Variants in ANKRD28 observed in about 807,000 individuals in gnomAD.
ANKRD28 encodes serine/threonine-protein phosphatase 6 regulatory ankyrin repeat subunit A.
ANKRD28 carries 44 observed loss-of-function variants against 126.5 expected under a neutral mutation model. The observed-to-expected ratio is 0.35, with a 90% CI of 0.27 to 0.45. ANKRD28 has a LOEUF of 0.45. Ranked by LOEUF, ANKRD28 falls within the 20% of genes least tolerant of loss-of-function variation. The pLI is 1.00. For synonymous variants in ANKRD28, 442 were observed against 468.5 expected, an observed-to-expected ratio of 0.94 and a Z score of 0.73; for missense variants, 1,110 against 1,316.6, an observed-to-expected ratio of 0.84 and a Z score of 2.43.
chr3:15,768,786 G>T (rs915220201), intron 2 of ANKRD28, among the ~76,000 whole-genome samples: 1 of 152,156 alleles, frequency 6.6e-6, no homozygotes, highest in African/African-American at 2.4e-5. Flanking sequence ...AGTAAAGGGA[G>T]GTTGATATAG....
At chr3:15,759,714 A>T (rs1371920058) in intron 3 of ANKRD28, among the ~76,000 whole-genome samples, 2 of 152,224 alleles carry the variant, frequency 1.3e-5, no homozygotes, top group African/African-American at 4.8e-5. Flanking sequence ...ACTATGAATT[A>T]TTTCTATCAA....
chr3:15,778,306 T>A (rs1051786927), intron 2 of ANKRD28, among the ~76,000 whole-genome samples: 2 of 152,158 alleles, frequency 1.3e-5, no homozygotes, highest in African/African-American at 4.8e-5. Context: ...ATCTTTTAGT[T>A]CACAGTTTTA....
chr3:15,745,452 C>T (rs1003349755), intron 4 of ANKRD28, among the ~76,000 whole-genome samples: 1 of 152,170 alleles, frequency 6.6e-6, no homozygotes, highest in East Asian at 1.9e-4. Context: ...TTATCCCAGC[C>T]TCATTTGTTG....
chr3:15,803,345 AC>A (rs973678494), intron 1 of ANKRD28, among the ~76,000 whole-genome samples: 7 of 152,188 alleles, frequency 4.6e-5, no homozygotes, highest in African/African-American at 1.7e-4. Context: ...GAGGCCGTGC[AC>A]GGTGGCTCAC....
At chr3:15,751,725 A>T (rs369668557) in intron 4 of ANKRD28, 25 bp downstream of exon 4, 3 of 1,475,110 alleles carry the variant, frequency 2.0e-6, no homozygotes, top group Non-Finnish European at 2.8e-6. Flanking sequence ...CATATAAAAC[A>T]TATTTACTAA....
At chr3:15,841,784 T>C (rs1343873683) in intron 1 of ANKRD28, among the ~76,000 whole-genome samples, 1 of 152,086 alleles carries the variant, frequency 6.6e-6, no homozygotes, top group African/African-American at 2.4e-5. Flanking sequence ...TAACAAGTGC[T>C]GGAGAGGATG....
chr3:15,770,684 C>G (rs1374912665), intron 2 of ANKRD28, among the ~76,000 whole-genome samples: 3 of 152,090 alleles, frequency 2.0e-5, no homozygotes, highest in Admixed American at 6.5e-5. Context: ...AATAAGCCAT[C>G]CCAACTCCTG....
chr3:15,817,268 T>TA lies in ANKRD28; in HGVS notation c.28-21963_28-21962insT, dbSNP rs1379000501. ...CTTGTCAGTAGAAGTACCATGGTTT[T>TA]TTTTTCCTTGTTATTTTGTTTTTGT... On this transcript the variant is annotated intron_variant, in intron 1 of 27. Coordinates refer to the ANKRD28 transcript ENST00000399451. This position sits in a 1 kb window ranked among gnomAD's most constrained non-coding sequence, Gnocchi z 4.5. 6.6e-6 allele frequency among the ~76,000 whole-genome samples: 1 copy of TA among 151,642 alleles called. No individual in the cohort carries two copies. Among genetic ancestry groups the TA allele is most frequent in the African/African-American group, 2.4e-5 (1 of 41,312 alleles).
intron 4 of ANKRD28, 86 bp downstream of exon 4, chr3:15,751,664 G>A (rs2057870001): frequency 1.1e-6 from 1 of 925,906 alleles, no homozygotes. Context: ...TCCTTCTTTT[G>A]AAAACATAGA....
At chr3:15,760,538 TAC>T (rs1210026534) in intron 3 of ANKRD28, among the ~76,000 whole-genome samples, 5 of 152,162 alleles carry the variant, frequency 3.3e-5, no homozygotes, top group East Asian at 1.9e-4. Flanking sequence ...GATAAAAATA[TAC>T]AGAGTAGAGT....
chr3:15,759,259 T>C lies in ANKRD28; in HGVS notation c.280+6975A>G, dbSNP rs569660446. ...TGGATCTGAATTCTGCCTCTAGCTT[T>C]TACTAGCAGTATAAAAACTTTGAAA... is the stretch of plus-strand genomic sequence containing the variant. On this transcript the variant is annotated intron_variant, in intron 3 of 27. Coordinates refer to ENST00000683139, the MANE Select transcript of ANKRD28 (RefSeq NM_001349278.2). Among the ~76,000 whole-genome samples, 9 of 152,282 alleles carry C rather than the reference T, an allele frequency of 5.9e-5. No individual in the cohort carries two copies. In the East Asian group the frequency reaches 1.7e-3, roughly 29 times the overall value.
chr3:15,711,407 C>T, intron 11 of ANKRD28, 133 bp from the exon 12 acceptor site: 1 of 654,082 alleles, frequency 1.5e-6, no homozygotes, highest in Non-Finnish European at 2.6e-6. Context: ...TGCTAGAGTG[C>T]CTGTTTAAAA....
In ANKRD28 at chr3:15,846,704, C is replaced by A. The variant is rs1449000858; in HGVS notation, c.27+12673G>T. 1.3e-5 allele frequency among the ~76,000 whole-genome samples: 2 copies of A among 152,074 alleles called. No individual in the cohort carries two copies. The highest frequency in any genetic ancestry group is 4.8e-5 in the African/African-American group (2 of 41,396). On this transcript the variant is annotated intron_variant, in intron 1 of 27. Transcript: ENST00000399451. This position sits in a 1 kb window ranked among gnomAD's most constrained non-coding sequence, Gnocchi z 5.4. ...TTTTTATTTCATGCTCACATAAAGT[C>A]AAAAAATCTATGTTAATGATCAGCT...
chr3:15,811,670 G>C (rs932708592), intron 1 of ANKRD28, among the ~76,000 whole-genome samples: 3 of 151,802 alleles, frequency 2.0e-5, no homozygotes, highest in Non-Finnish European at 4.4e-5. Context: ...GGCCAGGATG[G>C]TCTTGATCTC....
intron 4 of ANKRD28, among the ~76,000 whole-genome samples, chr3:15,744,179 A>T (rs2057316657): frequency 6.6e-6 from 1 of 152,170 alleles, no homozygotes; most frequent in African/African-American, 2.4e-5. Flanking sequence ...TACTTAGGAG[A>T]CCTTCTTTTC....
At chr3:15,741,751 A>G (rs1053869944) in intron 4 of ANKRD28, among the ~76,000 whole-genome samples, 11 of 81,636 alleles carry the variant, frequency 1.3e-4, no homozygotes, top group African/African-American at 5.3e-4. Flanking sequence ...AATTCTTACC[A>G]TTGATTTGAA....
intron 4 of ANKRD28, among the ~76,000 whole-genome samples, chr3:15,741,500 G>A (rs1019555656): frequency 1.4e-4 from 21 of 152,094 alleles, no homozygotes; most frequent in African/African-American, 5.1e-4. Flanking sequence ...TAGAGGGAAT[G>A]TGTAAGAAAT....
At chr3:15,686,611 A>C (rs1266640137) in intron 18 of ANKRD28, among the ~76,000 whole-genome samples, 2 of 152,198 alleles carry the variant, frequency 1.3e-5, no homozygotes, top group Non-Finnish European at 2.9e-5. Flanking sequence ...GGTCAGGAAG[A>C]GTGCCTTGAC....
intron 2 of ANKRD28, among the ~76,000 whole-genome samples, chr3:15,774,980 G>A (rs368983214): frequency 3.0e-4 from 35 of 116,210 alleles, no homozygotes; most frequent in East Asian, 9.8e-4. Context: ...GGATTCAAGC[G>A]ATTCTCCTGC....
Sources: allele counts gnomAD v4.1 joint callset (sites outside exome capture counted in the v4.1 genomes callset), GRCh38; gene constraint gnomAD v4.1.1; non-coding constraint Gnocchi (gnomAD v3.1); transcripts MANE v1.5; gene names NCBI Gene and HGNC (gene_info 2026-07-23, HGNC 2026-07-21).